Variants in FBN2 observed in about 807,000 individuals in gnomAD.
FBN2 encodes the protein fibrillin 2, also known as fibrillin-2.
A neutral mutation model predicts 355.6 loss-of-function variants in FBN2; 105 were observed. The ratio of observed to expected loss-of-function variants is 0.30; its 90% CI spans 0.25 to 0.35. FBN2 has a LOEUF of 0.35. FBN2 is among the 10% of genes least tolerant of loss of function. FBN2 has a pLI of 1.00. For missense variants in FBN2, 3,280 were observed against 3,758.7 expected, an observed-to-expected ratio of 0.87 and a Z score of 3.33; for synonymous variants, 1,350 against 1,301.2, an observed-to-expected ratio of 1.04 and a Z score of -0.81.
At chr5:128,287,857 C>T (rs532773770) in intron 53 of FBN2, among the ~76,000 whole-genome samples, 1 of 151,986 alleles carries the variant, frequency 6.6e-6, no homozygotes, top group Non-Finnish European at 1.5e-5. Flanking sequence ...AAAGGGAACC[C>T]AGGAAAGAAT....
At chr5:128,412,770 G>A (rs547246788) in intron 7 of FBN2, among the ~76,000 whole-genome samples, 1 of 152,176 alleles carries the variant, frequency 6.6e-6, no homozygotes, top group Non-Finnish European at 1.5e-5. Context: ...TAGTGTCTAT[G>A]AAGGAGTTTA....
intron 5 of FBN2, among the ~76,000 whole-genome samples, chr5:128,472,643 T>C (rs566895657): frequency 6.6e-6 from 1 of 151,876 alleles, no homozygotes; most frequent in Admixed American, 6.6e-5. Context: ...AATACGAAAT[T>C]AGCTAGGCAT....
intron 5 of FBN2, among the ~76,000 whole-genome samples, chr5:128,493,314 A>T (rs910716695): frequency 2.6e-5 from 4 of 152,136 alleles, no homozygotes; most frequent in African/African-American, 9.7e-5. Flanking sequence ...AAAACAAAAA[A>T]TCAGTTTACT....
chr5:128,511,162 T>C (rs1462066424), intron 5 of FBN2, among the ~76,000 whole-genome samples: 3 of 152,230 alleles, frequency 2.0e-5, no homozygotes, highest in Admixed American at 6.5e-5. Context: ...TGAAATATTA[T>C]ACAACTTTAA....
At chr5:128,325,736 C>T (rs1750526779) in intron 34 of FBN2, among the ~76,000 whole-genome samples, 1 of 152,110 alleles carries the variant, frequency 6.6e-6, no homozygotes, top group Non-Finnish European at 1.5e-5. Flanking sequence ...TTTGTCTTTT[C>T]TCTAATAGTG....
chr5:128,396,836 A>C (rs186291272), intron 8 of FBN2, among the ~76,000 whole-genome samples: 13 of 152,334 alleles, frequency 8.5e-5, no homozygotes, highest in African/African-American at 2.6e-4. Flanking sequence ...AGAAAGATGT[A>C]CCACAGCAAT....
intron 7 of FBN2, among the ~76,000 whole-genome samples, chr5:128,424,386 G>A (rs1469861452): frequency 1.3e-5 from 2 of 152,110 alleles, no homozygotes; most frequent in South Asian, 4.1e-4. Context: ...TAATTCCAAA[G>A]TTTGATGTGA....
chr5:128,278,713 C>T lies in FBN2; in HGVS notation c.7267G>A (p.Glu2423Lys), dbSNP rs1193159709. ...GCAGTTCCAGGAAGTGGGCAAAGCT[C>T]GCACTGGTGGCCCCAGCCTCGCCCA... ...DGGRGWGHQC[E>K]LCPLPGTAQY... Residue 2423 changes from glutamate (E) to lysine (K), a missense_variant, in exon 57 of 65, where the codon GAG (glutamate) becomes AAG (lysine). This residue lies in a region of FBN2 where 2,284 missense variants were observed against 2,749.5 expected (regional missense o/e 0.83). Coordinates refer to ENST00000262464, the MANE Select transcript of FBN2 (RefSeq NM_001999.4). The T allele has an allele frequency of 5.0e-6, 8 of 1,614,162 alleles. No individual in the cohort carries two copies. Among genetic ancestry groups the T allele is most frequent in the Non-Finnish European group, 6.8e-6 (8 of 1,180,024 alleles).
chr5:128,345,349 G>A lies in FBN2; in HGVS notation c.3217+8C>T, dbSNP rs1554123700. ...AGAAGGACCAAGGCGCTGGCCGCAG[G>A]CAGTTACCTTTGTAAAATGGCCGCC... On this transcript the variant is annotated splice_region_variant and intron_variant, in intron 24 of 64. Coordinates refer to ENST00000262464, the MANE Select transcript of FBN2 (RefSeq NM_001999.4). 1 of 1,610,078 alleles carries A rather than the reference G, an allele frequency of 6.2e-7. No homozygotes were observed. Among genetic ancestry groups the A allele is most frequent in the Admixed American group, 1.7e-5 (1 of 59,994 alleles).
At chr5:128,372,452 A>G (rs1318035489) in intron 15 of FBN2, among the ~76,000 whole-genome samples, 1 of 152,136 alleles carries the variant, frequency 6.6e-6, no homozygotes, top group African/African-American at 2.4e-5. Flanking sequence ...CTAAAATTAA[A>G]ATGCTTATCC....
chr5:128,412,494 A>T (rs549679238), intron 7 of FBN2, among the ~76,000 whole-genome samples: 1 of 152,306 alleles, frequency 6.6e-6, no homozygotes, highest in South Asian at 2.1e-4. Context: ...TGGCCAGGAA[A>T]ATGTTCTGAT....
intron 5 of FBN2, among the ~76,000 whole-genome samples, chr5:128,474,824 C>T (rs1049317903): frequency 5.3e-5 from 8 of 152,168 alleles, no homozygotes; most frequent in African/African-American, 1.9e-4. Context: ...AGCAACTGTG[C>T]TGAGATTCTC....
At chr5:128,502,558 T>C (rs1019627526) in intron 5 of FBN2, among the ~76,000 whole-genome samples, 3 of 151,278 alleles carry the variant, frequency 2.0e-5, no homozygotes, top group African/African-American at 7.3e-5. Flanking sequence ...GAAAAATCAC[T>C]TGACAAAAAT....
chr5:128,471,783 G>A (rs1335082871), intron 5 of FBN2, among the ~76,000 whole-genome samples: 1 of 152,088 alleles, frequency 6.6e-6, no homozygotes, highest in East Asian at 1.9e-4. Flanking sequence ...GATCATTTAA[G>A]CTTCAGGTCT....
At position 128,502,442 on chromosome 5, in the gene FBN2, G is replaced by A. The variant is rs1755844431; in HGVS notation, c.628+16831C>T. ...TGGATCATATATACAGAAATATGAA[G>A]GGAAAAAGGTACAAACACCCAAGTT... On this transcript the variant is annotated intron_variant, in intron 5 of 64. Transcript: ENST00000262464. 4.6e-5 allele frequency among the ~76,000 whole-genome samples: 7 copies of A among 152,102 alleles called. No individual in the cohort carries two copies. In the South Asian group the frequency reaches 1.5e-3, roughly 32 times the overall value.
At chr5:128,379,922 A>ATT (rs1369361164) in intron 11 of FBN2, among the ~76,000 whole-genome samples, 1 of 152,142 alleles carries the variant, frequency 6.6e-6, no homozygotes, top group Non-Finnish European at 1.5e-5. Flanking sequence ...TTACCATTTT[A>ATT]ATAAGCAGAT....
At chr5:128,378,657 T>C in intron 12 of FBN2, 114 bp downstream of exon 12, 2 of 1,142,452 alleles carry the variant, frequency 1.8e-6, no homozygotes, top group Admixed American at 3.6e-5. Flanking sequence ...AATAAATCTG[T>C]AATAATGTAA....
intron 8 of FBN2, among the ~76,000 whole-genome samples, chr5:128,405,244 C>G (rs184222750): frequency 1.3e-5 from 2 of 151,988 alleles, no homozygotes; most frequent in Non-Finnish European, 2.9e-5. Context: ...AAAGGGTGAG[C>G]TGGATTTTAA....
intron 7 of FBN2, among the ~76,000 whole-genome samples, chr5:128,432,287 TTG>T (rs1380295649): frequency 6.6e-6 from 1 of 152,226 alleles, no homozygotes; most frequent in Non-Finnish European, 1.5e-5. Context: ...TAAAACCTAT[TTG>T]TCCGTGGGCC....
Sources: gnomAD v4.1 joint callset for allele counts (sites outside exome capture counted in the v4.1 genomes callset) on GRCh38, gnomAD v4.1.1 for gene constraint, gnomAD v4.1.1 regional missense constraint, MANE v1.5 for transcripts, NCBI Gene and HGNC (gene_info 2026-07-23, HGNC 2026-07-21) for gene names.